The following MOV10L1 variants were observed in gnomAD, a reference collection of about 807,000 sequenced individuals.
The protein encoded by MOV10L1 is Mov10 like RNA helicase 1.
MOV10L1 carries 110 observed loss-of-function variants against 143.8 expected under a neutral mutation model. The observed-to-expected ratio is 0.76, with a 90% CI of 0.66 to 0.90. The LOEUF is 0.90. Ranked by LOEUF, MOV10L1 falls within the 40% of genes least tolerant of loss-of-function variation. The pLI is 0.00. For missense variants in MOV10L1, 1,406 were observed against 1,526.8 expected, an observed-to-expected ratio of 0.92 and a Z score of 1.32; for synonymous variants, 593 against 581.1, an observed-to-expected ratio of 1.02 and a Z score of -0.29.
intron 1 of MOV10L1, chr22:50,090,472 C>G: frequency 6.2e-7 from 1 of 1,609,852 alleles, no homozygotes; most frequent in Non-Finnish European, 8.5e-7. Context: ...CAAGTCGTCT[C>G]TCCATGTCGT....
Position 50,099,615 on chromosome 22 carries a change from G to T in MOV10L1, c.442+13G>T, listed in dbSNP as rs746458711. ...AGTGTGTGCGAAGGTATGCTCAGGGGTCTGTGTTCCACATTGAAAATTAGG... is the reference window on the plus strand; with the variant it reads ...AGTGTGTGCGAAGGTATGCTCAGGGTTCTGTGTTCCACATTGAAAATTAGG... On this transcript the variant is annotated intron_variant, in intron 3 of 26. Coordinates refer to ENST00000262794, the MANE Select transcript of MOV10L1 (RefSeq NM_018995.3). The T allele has an allele frequency of 1.9e-6, 3 of 1,594,244 alleles. No individual in the cohort carries two copies. The Admixed American group carries it at 5.1e-5, about 27-fold the overall frequency.
rs1406239449 is a variant in MOV10L1, at chr22:50,159,446, CA to C, written c.3217-226del. ...GAAACCCTCTCTCTACTAAAAAATA[CA>C]AAAAATTACCCGGGTGTGGTGGCAT... On this transcript the variant is annotated intron_variant, in intron 23 of 26. Transcript: ENST00000262794. The surrounding 1 kb of genome is among the most constrained non-coding windows in gnomAD (Gnocchi z 4.1). 6.6e-6 allele frequency among the ~76,000 whole-genome samples: 1 copy of C among 151,790 alleles called. No individual in the cohort carries two copies. The highest frequency in any genetic ancestry group is 1.9e-4 in the East Asian group (1 of 5,176).
chr22:50,137,427 A>T (rs2053503462), intron 15 of MOV10L1, among the ~76,000 whole-genome samples: 1 of 152,184 alleles, frequency 6.6e-6, no homozygotes, highest in African/African-American at 2.4e-5. Context: ...AAAATTAGTG[A>T]ACTTGAAGAC....
chr22:50,092,244 T>A, intron 2 of MOV10L1, 59 bp downstream of exon 2: 1 of 1,494,022 alleles, frequency 6.7e-7, no homozygotes, highest in Non-Finnish European at 9.2e-7. Flanking sequence ...TGTGTTGTTT[T>A]TCCTTGTGTT....
chr22:50,153,077 C>G lies in MOV10L1; in HGVS notation c.2925C>G (p.His975Gln). 1 of 1,611,648 alleles carries G rather than the reference C, an allele frequency of 6.2e-7. No homozygotes were observed. Residue 975 changes from histidine to glutamine, a missense_variant, in exon 22 of 27, where the codon CAC becomes CAG. Physicochemically the swap from His to Gln is conservative, Grantham distance 24. Transcript: ENST00000262794. ...AGCTGGTGAAGAACTACCGGTCCCACGAGGCCCTGCTGATGCTGCCCTCAC... is the reference window on the plus strand; with the variant it reads ...AGCTGGTGAAGAACTACCGGTCCCAGGAGGCCCTGCTGATGCTGCCCTCAC... ...VTKLVKNYRS[H>Q]EALLMLPSRL...
chr22:50,099,782 C>T (rs984545591), intron 3 of MOV10L1, among the ~76,000 whole-genome samples, 180 bp downstream of exon 3: 1 of 152,160 alleles, frequency 6.6e-6, no homozygotes, highest in Non-Finnish European at 1.5e-5. Flanking sequence ...CACTACACTC[C>T]AGCCTGGGTG....
At chr22:50,131,237 C>T (rs910105573) in intron 13 of MOV10L1, among the ~76,000 whole-genome samples, 1 of 151,956 alleles carries the variant, frequency 6.6e-6, no homozygotes. Flanking sequence ...GCTTTTTTGC[C>T]ATTTGTACAA....
At position 50,158,088 on chromosome 22, in the gene MOV10L1, C is replaced by T. The variant is rs761075501; in HGVS notation, c.3098C>T (p.Ser1033Leu). 1 of 1,614,134 alleles carries T rather than the reference C, an allele frequency of 6.2e-7. No homozygotes were observed. Among genetic ancestry groups the T allele is most frequent in the Admixed American group, 1.7e-5 (1 of 60,030 alleles). Residue 1033 changes from serine to leucine, a missense_variant, in exon 23 of 27, where the codon TCG (serine) becomes TTG (leucine). Physicochemically the swap from Ser to Leu is moderately radical, Grantham distance 145. Transcript: ENST00000262794. This position sits in a 1 kb window ranked among gnomAD's most constrained non-coding sequence, Gnocchi z 5.0. The part of the protein sequence containing the change: ...GSEAREGKSP[S>L]WFNPAEAVQV... Reference sequence around the variant, plus strand: ...GAGGCACGGGAGGGAAAAAGCCCATCGTGGTTCAACCCGGCCGAGGCCGTC... The same window carrying T: ...GAGGCACGGGAGGGAAAAAGCCCATTGTGGTTCAACCCGGCCGAGGCCGTC...
At chr22:50,109,007 G>C (rs924269748) in intron 5 of MOV10L1, among the ~76,000 whole-genome samples, 163 bp downstream of exon 5, 16 of 152,278 alleles carry the variant, frequency 1.1e-4, no homozygotes, top group Middle Eastern at 3.4e-3. Flanking sequence ...AGCTGGGCGT[G>C]GTGGTGCTCG....
intron 8 of MOV10L1, 57 bp downstream of exon 8, chr22:50,115,303 G>A (rs2062141170): frequency 2.8e-6 from 4 of 1,434,882 alleles, no homozygotes; most frequent in Non-Finnish European, 1.8e-6. Flanking sequence ...GATACTTCTA[G>A]GTTGGGTGTT....
chr22:50,099,971 G>C (rs1442157204), intron 3 of MOV10L1, among the ~76,000 whole-genome samples: 9 of 149,070 alleles, frequency 6.0e-5, no homozygotes, highest in Non-Finnish European at 1.3e-4. Flanking sequence ...CCAGGTCACT[G>C]TTTTGTTTTT....
intron 3 of MOV10L1, among the ~76,000 whole-genome samples, chr22:50,106,860 C>T (rs1451335103): frequency 6.6e-6 from 1 of 151,516 alleles, no homozygotes; most frequent in African/African-American, 2.4e-5. Flanking sequence ...TGCCACCACG[C>T]CTGGCTAATT....
At chr22:50,157,885 T>C (rs1421643354) in intron 22 of MOV10L1, among the ~76,000 whole-genome samples, 172 bp from the exon 23 acceptor site, 2 of 148,226 alleles carry the variant, frequency 1.3e-5, no homozygotes, top group African/African-American at 4.9e-5. Context: ...GTGAGCCATT[T>C]CATCATTTAA....
At chr22:50,153,663 C>T (rs934221120) in intron 22 of MOV10L1, among the ~76,000 whole-genome samples, 7 of 152,208 alleles carry the variant, frequency 4.6e-5, no homozygotes, top group South Asian at 2.1e-4. Flanking sequence ...GCTGCGATCC[C>T]GAGCCGTGCG....
intron 3 of MOV10L1, among the ~76,000 whole-genome samples, chr22:50,103,938 T>C (rs2061807155): frequency 6.6e-6 from 1 of 152,200 alleles, no homozygotes; most frequent in African/African-American, 2.4e-5. Context: ...TCTATTATTA[T>C]TATGTTGTAA....
intron 5 of MOV10L1, among the ~76,000 whole-genome samples, chr22:50,111,968 G>C (rs1304709865): frequency 6.6e-6 from 1 of 152,214 alleles, no homozygotes; most frequent in Admixed American, 6.5e-5. Flanking sequence ...GCCTCTGGGT[G>C]CAGACAGACA....
rs530344692 is a variant in MOV10L1, at chr22:50,150,442, G to A, written c.2728-293G>A. Among the ~76,000 whole-genome samples the A allele has an allele frequency of 1.7e-4, 26 of 152,360 alleles. No homozygotes were observed. In the East Asian group the frequency reaches 3.5e-3, roughly 20 times the overall value. On this transcript the variant is annotated intron_variant, in intron 20 of 26. Transcript: ENST00000262794. ...ATGCAGAAGCTTCCAGAAGATAGACGGCATCCTTGGGGCTCTTACCACTTT... is the reference window on the plus strand; with the variant it reads ...ATGCAGAAGCTTCCAGAAGATAGACAGCATCCTTGGGGCTCTTACCACTTT...
rs182351705 is a variant in MOV10L1 at position 50,092,135 on chromosome 22, A to G, written c.232A>G (p.Ile78Val). Residue 78 changes from isoleucine (I) to valine (V), a missense_variant, in exon 2 of 27, where the codon ATT (isoleucine) becomes GTT (valine). Coordinates refer to ENST00000262794, the MANE Select transcript of MOV10L1 (RefSeq NM_018995.3). ...GCTTCTGAATGTTGGACAGGAAGTG[A>G]TTGCAGTTGTGGAAGAAAATAAAGT... Reference protein sequence around the residue: ...RVLLNVGQEVIAVVEENKVSN... With the variant: ...RVLLNVGQEVVAVVEENKVSN... 9.9e-6 allele frequency: 16 copies of G among 1,614,188 alleles called. No individual in the cohort carries two copies. In the East Asian group the frequency reaches 3.3e-4, roughly 34 times the overall value.
intron 22 of MOV10L1, among the ~76,000 whole-genome samples, chr22:50,156,075 C>A (rs915441700): frequency 6.6e-5 from 10 of 151,608 alleles, no homozygotes; most frequent in Non-Finnish European, 1.2e-4. Context: ...TTCATTCATT[C>A]ATAAATAAAT....
Sources: allele counts gnomAD v4.1 joint callset (sites outside exome capture counted in the v4.1 genomes callset), GRCh38; gene constraint gnomAD v4.1.1; non-coding constraint Gnocchi (gnomAD v3.1); transcripts MANE v1.5; gene names NCBI Gene and HGNC (gene_info 2026-07-23, HGNC 2026-07-21).